The following KCTD8 variants were observed in gnomAD, a reference collection of about 807,000 sequenced individuals.
KCTD8 encodes potassium channel tetramerization domain containing 8, also known as BTB/POZ domain-containing protein KCTD8.
KCTD8 carries 27 observed loss-of-function variants against 31.5 expected under a neutral mutation model. That is an observed-to-expected ratio of 0.86 (90% CI 0.63 to 1.18). KCTD8 has a LOEUF of 1.18. KCTD8 is among the 50% of genes most tolerant of loss of function. The pLI is 0.00. For missense variants in KCTD8, 658 were observed against 647.7 expected (o/e 1.02, Z -0.17); for synonymous variants, 290 against 280.0 (o/e 1.04, Z -0.36).
intron 1 of KCTD8, among the ~76,000 whole-genome samples, chr4:44,389,360 T>A (rs545702805): frequency 6.6e-6 from 1 of 151,948 alleles, no homozygotes; most frequent in African/African-American, 2.4e-5. Flanking sequence ...TATTACACAT[T>A]GCACACGTGT....
chr4:44,362,221 T>A (rs376596315), intron 1 of KCTD8, among the ~76,000 whole-genome samples: 2 of 152,136 alleles, frequency 1.3e-5, no homozygotes, highest in African/African-American at 4.8e-5. Flanking sequence ...TGTAGGCAGG[T>A]TGTCTGAGAC....
rs144467434 is a variant in KCTD8, at chr4:44,253,884, C to A, written c.962-78634G>T. Among the ~76,000 whole-genome samples, 580 of 151,984 alleles carry A rather than the reference C, an allele frequency of 3.8e-3. 2 individuals are homozygous for A. Among genetic ancestry groups the A allele is most frequent in the African/African-American group, 0.013 (552 of 41,496 alleles). Reference sequence around the variant, plus strand: ...AGAAATTGATCCTGCAAGTGGGGTGCTGCTGTAACCAAACCCTAAAATATG... The same window carrying A: ...AGAAATTGATCCTGCAAGTGGGGTGATGCTGTAACCAAACCCTAAAATATG... On this transcript the variant is annotated intron_variant, in intron 1 of 1. Coordinates refer to ENST00000360029, the MANE Select transcript of KCTD8 (RefSeq NM_198353.3).
chr4:44,267,980 A>G (rs1415384624), intron 1 of KCTD8, among the ~76,000 whole-genome samples: 3 of 152,218 alleles, frequency 2.0e-5, no homozygotes, highest in Admixed American at 1.3e-4. Context: ...AGGAACTGGT[A>G]CCATTCCTTC....
intron 1 of KCTD8, among the ~76,000 whole-genome samples, chr4:44,250,868 A>G (rs978584172): frequency 2.4e-4 from 36 of 151,706 alleles, no homozygotes; most frequent in African/African-American, 8.2e-4. Context: ...TTGGCTTTTC[A>G]TTTACTTAGT....
chr4:44,336,256 A>G (rs1718742223), intron 1 of KCTD8, among the ~76,000 whole-genome samples: 1 of 151,514 alleles, frequency 6.6e-6, no homozygotes, highest in Non-Finnish European at 1.5e-5. Context: ...ATATTAACAA[A>G]CCTAGCAATG....
At chr4:44,250,742 T>C (rs540673657) in intron 1 of KCTD8, among the ~76,000 whole-genome samples, 14 of 151,944 alleles carry the variant, frequency 9.2e-5, no homozygotes, top group African/African-American at 3.4e-4. Context: ...CATTGTCCCA[T>C]TGTTATTTAA....
chr4:44,354,265 T>A (rs1719287693), intron 1 of KCTD8, among the ~76,000 whole-genome samples: 1 of 152,154 alleles, frequency 6.6e-6, no homozygotes, highest in Admixed American at 6.5e-5. Context: ...AGTAACAACT[T>A]CTTAGCTTGG....
At chr4:44,324,516 T>C (rs1718393529) in intron 1 of KCTD8, among the ~76,000 whole-genome samples, 1 of 152,088 alleles carries the variant, frequency 6.6e-6, no homozygotes, top group Non-Finnish European at 1.5e-5. Flanking sequence ...GTTTCCACTT[T>C]TTCCAAGTTC....
chr4:44,290,332 C>T (rs573215438), intron 1 of KCTD8, among the ~76,000 whole-genome samples: 3 of 152,160 alleles, frequency 2.0e-5, no homozygotes, highest in Non-Finnish European at 4.4e-5. Flanking sequence ...CTTCTTGACT[C>T]ACAAAAACAC....
chr4:44,265,006 A>T lies in KCTD8; in HGVS notation c.962-89756T>A, dbSNP rs572705598. The stretch of plus-strand genomic sequence containing the variant: ...GATAGGAGTAACCTCTGCAGATTTA[A>T]ATGTCCCTGTCTGACAGCTTTGAAG... On this transcript the variant is annotated intron_variant, in intron 1 of 1. Transcript: ENST00000360029. Among the ~76,000 whole-genome samples the T allele has an allele frequency of 2.6e-5, 4 of 152,286 alleles. No homozygotes were observed. The East Asian group carries it at 5.8e-4, about 22-fold the overall frequency.
At chr4:44,353,585 T>C (rs1719269546) in intron 1 of KCTD8, among the ~76,000 whole-genome samples, 1 of 152,060 alleles carries the variant, frequency 6.6e-6, no homozygotes, top group East Asian at 1.9e-4. Context: ...ACTATATTTT[T>C]GTACCAATTA....
intron 1 of KCTD8, among the ~76,000 whole-genome samples, chr4:44,326,864 A>G (rs1035888967): frequency 6.6e-6 from 1 of 151,876 alleles, no homozygotes; most frequent in Non-Finnish European, 1.5e-5. Context: ...AGTGAAATTA[A>G]CCAGCTCATA....
At chr4:44,446,870 C>T (rs1721951958) in intron 1 of KCTD8, among the ~76,000 whole-genome samples, 1 of 152,170 alleles carries the variant, frequency 6.6e-6, no homozygotes, top group South Asian at 2.1e-4. Flanking sequence ...TCCTTCCACC[C>T]TCCCCTGTCC....
chr4:44,280,415 T>C (rs1021682889), intron 1 of KCTD8, among the ~76,000 whole-genome samples: 1 of 152,110 alleles, frequency 6.6e-6, no homozygotes, highest in Non-Finnish European at 1.5e-5. Context: ...TCAGCTTTTC[T>C]ATCACCGTCG....
At chr4:44,396,719 T>C (rs17461100) in intron 1 of KCTD8, among the ~76,000 whole-genome samples, 1 of 152,110 alleles carries the variant, frequency 6.6e-6, no homozygotes, top group Non-Finnish European at 1.5e-5. Flanking sequence ...GCATACTTAG[T>C]ACCTTCACCA....
chr4:44,401,012 T>C (rs112161926), intron 1 of KCTD8, among the ~76,000 whole-genome samples: 121 of 26,042 alleles, frequency 4.6e-3, no homozygotes, highest in African/African-American at 0.029. Flanking sequence ...ATTTTCTTTC[T>C]TTTTTTTTTT....
At chr4:44,314,401 G>A (rs1048037536) in intron 1 of KCTD8, among the ~76,000 whole-genome samples, 12 of 152,142 alleles carry the variant, frequency 7.9e-5, no homozygotes, top group African/African-American at 2.9e-4. Flanking sequence ...GAAAAATAAA[G>A]ACAAATGAGA....
chr4:44,391,510 A>G (rs1311177618), intron 1 of KCTD8, among the ~76,000 whole-genome samples: 1 of 151,870 alleles, frequency 6.6e-6, no homozygotes, highest in African/African-American at 2.4e-5. Context: ...TTCACTTAAT[A>G]GTCAATATTT....
intron 1 of KCTD8, among the ~76,000 whole-genome samples, chr4:44,288,392 T>G (rs1006306121): frequency 1.3e-5 from 2 of 152,108 alleles, no homozygotes; most frequent in Admixed American, 1.3e-4. Context: ...GAAATCTAGC[T>G]AACCAAGAGA....
Sources: allele counts gnomAD v4.1 joint callset (sites outside exome capture counted in the v4.1 genomes callset), GRCh38; gene constraint gnomAD v4.1.1; transcripts MANE v1.5; gene names NCBI Gene and HGNC (gene_info 2026-07-23, HGNC 2026-07-21).